PEX2: variants seen among roughly 807,000 people sequenced by gnomAD.
The protein encoded by PEX2 is peroxisome biogenesis factor 2.
A neutral mutation model predicts 25.2 loss-of-function variants in PEX2; 19 were observed. The ratio of observed to expected loss-of-function variants is 0.75; its 90% confidence interval spans 0.53 to 1.10. The LOEUF is 1.10. Ranked by LOEUF, PEX2 falls within the 50% of genes least tolerant of loss-of-function variation. PEX2 has a pLI of 0.00. For synonymous variants in PEX2, 141 were observed against 127.7 expected (o/e 1.10, Z -0.70); for missense variants, 347 against 350.6 (o/e 0.99, Z 0.08).
Position 76,980,897 on chromosome 8 carries a change from TAC to T in PEX2, c.*2362_*2363del, listed in dbSNP as rs1806799990. On this transcript the variant is annotated 3_prime_UTR_variant, in exon 4 of 4. Coordinates refer to ENST00000357039, the MANE Select transcript of PEX2 (RefSeq NM_000318.3). ...AGATGTGGCACATTGCCCTAGGTTA[TAC>T]ACAAGTGGGATTTGAATTCTAGCGG... is the stretch of plus-strand genomic sequence containing the variant. 1 of 152,220 alleles carries T rather than the reference TAC, an allele frequency of 6.6e-6. No individual in the cohort carries two copies. Among genetic ancestry groups the T allele is most frequent in the Non-Finnish European group, 1.5e-5 (1 of 68,034 alleles). The allele number at this position is 152,220 out of a possible 1,614,324, so 9.4% of individuals were successfully genotyped here.
rs1806832340 is a variant in PEX2 at position 76,981,706 on chromosome 8, T to C, written c.*1555A>G. 6.6e-6 allele frequency: 1 copy of C among 152,202 alleles called. No individual in the cohort carries two copies. The highest frequency in any genetic ancestry group is 2.1e-4 in the South Asian group (1 of 4,832). 9.4% of individuals were successfully genotyped at this position (152,202 alleles called of 1,614,324 possible). Reference sequence around the variant, plus strand: ...TGTACGTGCAACAAATCTACAAATATAGTAAAATATAGTGATGATCTCTCT... The same window carrying C: ...TGTACGTGCAACAAATCTACAAATACAGTAAAATATAGTGATGATCTCTCT... On this transcript the variant is annotated 3_prime_UTR_variant, in exon 4 of 4. Transcript: ENST00000357039.
At chr8:76,988,106 T>C (rs982119926) in intron 2 of PEX2, 1 of 152,028 alleles carries the variant, frequency 6.6e-6, no homozygotes, top group African/African-American at 2.4e-5. Context: ...TTCAACTTTC[T>C]TTGTAACAAC....
At chr8:76,998,802 G>GTAC (rs1345369974) in intron 1 of PEX2, among the ~76,000 whole-genome samples, 5 of 152,082 alleles carry the variant, frequency 3.3e-5, no homozygotes, top group Admixed American at 3.3e-4. Flanking sequence ...CCCAGCTTGA[G>GTAC]TACTAACACT....
chr8:76,983,668 G>A lies in PEX2; in HGVS notation c.511C>T (p.Leu171=). 1 of 1,614,030 alleles carries A rather than the reference G, an allele frequency of 6.2e-7. No homozygotes were observed. The highest frequency in any genetic ancestry group is 8.5e-7 in the Non-Finnish European group (1 of 1,179,980). Residue 171 remains leucine (L), a synonymous_variant, in exon 4 of 4, where the codon CTA becomes TTA. Coordinates refer to ENST00000357039, the MANE Select transcript of PEX2 (RefSeq NM_000318.3). ...TTGCAAAATACAGAATGAATACCTA[G>A]GAGACGTTCTGTCAAAGTTGCAAAC... ...GKFATLTERL[L]GIHSVFCKPQ... is the part of the protein sequence containing the mutation.
chr8:76,999,651 A>G (rs1199757660), intron 1 of PEX2: 3 of 361,914 alleles, frequency 8.3e-6, no homozygotes, highest in East Asian at 7.3e-5. Context: ...AAAGCCGTTT[A>G]TAAGAGGTAA....
At chr8:76,989,743 C>G (rs1807111486) in intron 1 of PEX2, among the ~76,000 whole-genome samples, 1 of 152,184 alleles carries the variant, frequency 6.6e-6, no homozygotes, top group South Asian at 2.1e-4. Context: ...GTAAACCATG[C>G]TGTAAACAGA....
intron 1 of PEX2, among the ~76,000 whole-genome samples, chr8:76,997,586 G>C (rs1033890981): frequency 2.6e-5 from 4 of 152,116 alleles, no homozygotes; most frequent in Non-Finnish European, 5.9e-5. Context: ...TGAAAAGACA[G>C]TGGTTAGGCA....
chr8:76,989,721 TTAAAA>T (rs1226104956), intron 1 of PEX2, among the ~76,000 whole-genome samples: 7 of 152,252 alleles, frequency 4.6e-5, no homozygotes, highest in Non-Finnish European at 1.5e-5. Flanking sequence ...ACCTGTGTGC[TTAAAA>T]TATTCAGTAA....
chr8:76,984,325 C>G (rs1670941096), intron 3 of PEX2, 130 bp from the exon 4 acceptor site: 1 of 673,254 alleles, frequency 1.5e-6, no homozygotes, highest in Non-Finnish European at 2.5e-6. Context: ...TCAGTAGTCT[C>G]AAATAGTACA....
chr8:76,984,650 G>T (rs1806953997), intron 3 of PEX2, among the ~76,000 whole-genome samples: 1 of 152,116 alleles, frequency 6.6e-6, no homozygotes, highest in African/African-American at 2.4e-5. Context: ...AGATGGTTAA[G>T]TCAAGACCTC....
Position 76,983,791 on chromosome 8 carries a change from C to T in PEX2, c.388G>A (p.Ala130Thr). ...CYDLFRNHHLASFGKVKQCVN... is the reference protein window; with the variant it reads ...CYDLFRNHHLTSFGKVKQCVN... ...CACTGCTTGACTTTCCCAAATGATGCTAAATGATGGTTTCGAAACAAATCA... is the reference window on the plus strand; with the variant it reads ...CACTGCTTGACTTTCCCAAATGATGTTAAATGATGGTTTCGAAACAAATCA... The change falls in exon 4 of 4, where the codon GCA becomes ACA. Residue 130 changes from alanine to threonine, a missense_variant. Physicochemically the swap from Ala to Thr is moderately conservative, Grantham distance 58. Coordinates refer to ENST00000357039, the MANE Select transcript of PEX2 (RefSeq NM_000318.3). The T allele has an allele frequency of 6.2e-7, 1 of 1,614,118 alleles. No homozygotes were observed. Among genetic ancestry groups the T allele is most frequent in the South Asian group, 1.1e-5 (1 of 91,086 alleles).
At chr8:76,985,010 T>C (rs1806963604) in intron 3 of PEX2, among the ~76,000 whole-genome samples, 1 of 152,114 alleles carries the variant, frequency 6.6e-6, no homozygotes, top group South Asian at 2.1e-4. Flanking sequence ...TATAAGAAGC[T>C]GAATGGTTAG....
chr8:76,984,140 T>C lies in PEX2; in HGVS notation c.39A>G (p.Arg13=). 1 of 1,614,058 alleles carries C rather than the reference T, an allele frequency of 6.2e-7. No individual in the cohort carries two copies. The highest frequency in any genetic ancestry group is 1.1e-5 in the South Asian group (1 of 91,048). The part of the protein sequence containing the change: ...SRKENAKSAN[R]VLRISQLDAL... The stretch of plus-strand genomic sequence containing the variant: ...CATCCAACTGGCTTATTCTTAGCAC[T>C]CTGTTTGCACTCTTCGCATTCTCTT... The change falls in exon 4 of 4, where the codon AGA becomes AGG. Residue 13 remains arginine (R), a synonymous_variant. Transcript: ENST00000357039.
At chr8:76,998,977 A>C (rs962778551) in intron 1 of PEX2, among the ~76,000 whole-genome samples, 4 of 151,822 alleles carry the variant, frequency 2.6e-5, no homozygotes, top group African/African-American at 4.9e-5. Flanking sequence ...TTAAGAAAAA[A>C]ATATGAAGGG....
intron 1 of PEX2, among the ~76,000 whole-genome samples, chr8:76,994,613 T>A (rs945354781): frequency 1.4e-4 from 20 of 138,982 alleles, no homozygotes; most frequent in African/African-American, 4.7e-4. Flanking sequence ...TGCATTTAAA[T>A]TTACAGTCCT....
chr8:76,983,388 C>G lies in PEX2; in HGVS notation c.791G>C (p.Cys264Ser). 6.2e-7 allele frequency: 1 copy of G among 1,614,076 alleles called. No homozygotes were observed. Among genetic ancestry groups the G allele is most frequent in the Non-Finnish European group, 8.5e-7 (1 of 1,180,030 alleles). Residue 264 changes from cysteine to serine, a missense_variant, in exon 4 of 4, where the codon TGT (cysteine) becomes TCT (serine). By Grantham distance (112) the Cys-to-Ser change is moderately radical. Coordinates refer to ENST00000357039, the MANE Select transcript of PEX2 (RefSeq NM_000318.3). Reference sequence around the variant, plus strand: ...GAAACTACTCTTAGCACAGAAATAACAGAAAATATGCTCACATCCTATGGT... The same window carrying G: ...GAAACTACTCTTAGCACAGAAATAAGAGAAAATATGCTCACATCCTATGGT... Reference protein sequence around the residue: ...PHTIGCEHIFCYFCAKSSFLF... With the variant: ...PHTIGCEHIFSYFCAKSSFLF...
intron 1 of PEX2, among the ~76,000 whole-genome samples, chr8:76,989,082 C>T (rs538499421): frequency 6.0e-4 from 90 of 150,774 alleles, no homozygotes; most frequent in African/African-American, 2.0e-3. Flanking sequence ...GGGAGGCTGA[C>T]GCAGGAGAGT....
rs1279169800 is a variant in PEX2, at chr8:76,986,279, C to T, written c.-110G>A. On this transcript the variant is annotated 5_prime_UTR_variant, in exon 3 of 4. Coordinates refer to ENST00000357039, the MANE Select transcript of PEX2 (RefSeq NM_000318.3). ...TCCAAGTTCTTCTGTGAAATCCTTG[C>T]CTCATACTTGCCAGAAGCTACATAC... 1 of 152,168 alleles carries T rather than the reference C, an allele frequency of 6.6e-6. No homozygotes were observed. Among genetic ancestry groups the T allele is most frequent in the African/African-American group, 2.4e-5 (1 of 41,414 alleles). The allele number at this position is 152,168 out of a possible 1,614,324, so 9.4% of individuals were successfully genotyped here.
chr8:76,989,265 C>T (rs74664027), intron 1 of PEX2, among the ~76,000 whole-genome samples: 4,860 of 152,130 alleles, frequency 0.032, 246 homozygotes, highest in African/African-American at 0.11. Context: ...CTTTAGGCTC[C>T]ACTCTAATTA....
Sources: gnomAD v4.1 joint callset for allele counts (sites outside exome capture counted in the v4.1 genomes callset) on GRCh38, gnomAD v4.1.1 for gene constraint, MANE v1.5 for transcripts, NCBI Gene and HGNC (gene_info 2026-07-23, HGNC 2026-07-21) for gene names.